DMD: variants seen among roughly 807,000 people sequenced by gnomAD.
The protein encoded by DMD is dystrophin, also known as mutant dystrophin.
Under a neutral mutation model 330.1 loss-of-function variants are expected in DMD, and 63 were observed. The observed-to-expected ratio is 0.19, with a 90% CI of 0.16 to 0.24. DMD has a LOEUF of 0.24. Ranked by LOEUF, DMD falls within the 10% of genes least tolerant of loss-of-function variation. The probability of loss-of-function intolerance (pLI) is 1.00; values close to 1 mark genes in which losing one functional copy is unlikely to be tolerated. For synonymous variants in DMD, 1,223 were observed against 959.8 expected (o/e 1.27, Z -5.07); for missense variants, 3,344 against 2,684.1 (o/e 1.25, Z -5.43).
intron 9 of DMD, among the ~76,000 whole-genome samples, chrX:32,665,338 C>T (rs1196457565): frequency 1.8e-5 from 2 of 110,969 alleles, no homozygotes; most frequent in African/African-American, 6.6e-5. Flanking sequence ...TTAGTGTTCT[C>T]GTCTGAAAAT....
intron 45 of DMD, among the ~76,000 whole-genome samples, chrX:31,964,677 A>G (rs1017778046): frequency 9.1e-6 from 1 of 110,007 alleles, no homozygotes; most frequent in African/African-American, 3.3e-5. Context: ...AGCGAGAGAA[A>G]AAAAGCATAT....
At chrX:33,145,823 G>T (rs893335861) in intron 1 of DMD, among the ~76,000 whole-genome samples, 4 of 110,188 alleles carry the variant, frequency 3.6e-5, no homozygotes, top group Non-Finnish European at 7.6e-5. Flanking sequence ...CTTTTAAAGT[G>T]CACAATTCAG....
chrX:32,699,080 C>G, intron 8 of DMD, 32 bp downstream of exon 8: 1 of 1,174,434 alleles, frequency 8.5e-7, no homozygotes, highest in Non-Finnish European at 1.2e-6. Flanking sequence ...CAGAAAACAT[C>G]TTGAATAGTA....
chrX:32,816,363 G>GT, intron 6 of DMD, 105 bp downstream of exon 6: 1 of 875,544 alleles, frequency 1.1e-6, no homozygotes, highest in Non-Finnish European at 1.7e-6. Context: ...TACATAACAT[G>GT]TTGTAAAGTA....
intron 1 of DMD, among the ~76,000 whole-genome samples, chrX:33,138,112 AAAG>A (rs1472376599): frequency 1.8e-5 from 2 of 111,808 alleles, no homozygotes; most frequent in Non-Finnish European, 3.8e-5. Context: ...AAGTGTATAA[AAAG>A]AGAGTCCTAC....
intron 1 of DMD, among the ~76,000 whole-genome samples, chrX:33,168,051 A>G (rs1419577853): frequency 9.0e-6 from 1 of 110,736 alleles, no homozygotes; most frequent in Non-Finnish European, 1.9e-5. Flanking sequence ...AATCATGGCT[A>G]CACTTGAACT....
intron 33 of DMD, among the ~76,000 whole-genome samples, chrX:32,383,524 T>C (rs1019831703): frequency 9.0e-6 from 1 of 111,339 alleles, no homozygotes; most frequent in Non-Finnish European, 1.9e-5. Context: ...AATATAGGAC[T>C]TACAGCATTT....
intron 20 of DMD, among the ~76,000 whole-genome samples, chrX:32,486,212 G>C (rs2042450840): frequency 9.0e-6 from 1 of 111,104 alleles, no homozygotes; most frequent in Non-Finnish European, 1.9e-5. Flanking sequence ...CCTGAAATGT[G>C]GCTGGTCCAA....
chrX:31,297,818 G>A (rs1031200874), intron 62 of DMD, among the ~76,000 whole-genome samples: 15 of 112,441 alleles, frequency 1.3e-4, no homozygotes, highest in Non-Finnish European at 3.8e-5. Context: ...ATATGCATGT[G>A]TGCATACATA....
At position 31,325,531 on chromosome X, in the gene DMD, T is replaced by G. The variant is rs930320561; in HGVS notation, c.9164-1873A>C. Among the ~76,000 whole-genome samples the G allele has an allele frequency of 1.9e-4, 21 of 108,543 alleles. 1 individual carries two copies. In the Admixed American group the frequency reaches 2.0e-3, roughly 10 times the overall value. 94.3% of individuals were successfully genotyped at this position (108,543 alleles called of 115,157 possible). A position where few individuals can be genotyped will look rare whatever the true frequency, so the allele number is the denominator to read the frequency against. ...CGGGAGACTGAGGCAGGAAAATCAC[T>G]TGAACCCAGGAGGCAAAGGATGCAG... On this transcript the variant is annotated intron_variant, in intron 61 of 78. Coordinates refer to ENST00000357033, the MANE Select transcript of DMD (RefSeq NM_004006.3).
At chrX:31,803,734 T>A (rs2092180759) in intron 50 of DMD, among the ~76,000 whole-genome samples, 1 of 106,877 alleles carries the variant, frequency 9.4e-6, no homozygotes, top group Non-Finnish European at 1.9e-5. Context: ...AGTTTCACTC[T>A]TGTTGCCCAG....
At chrX:31,865,136 C>T (rs1393327601) in intron 48 of DMD, among the ~76,000 whole-genome samples, 1 of 111,830 alleles carries the variant, frequency 8.9e-6, no homozygotes, top group East Asian at 2.8e-4. Context: ...ATTATGGTAC[C>T]CAGTGTTCAT....
chrX:31,381,157 C>G (rs2060158271), intron 60 of DMD, among the ~76,000 whole-genome samples: 1 of 111,464 alleles, frequency 9.0e-6, no homozygotes, highest in African/African-American at 3.3e-5. Context: ...CCCCACTCCT[C>G]TTTCCATTCC....
At chrX:32,243,336 G>T (rs946772542) in intron 43 of DMD, among the ~76,000 whole-genome samples, 1 of 111,424 alleles carries the variant, frequency 9.0e-6, no homozygotes, top group Non-Finnish European at 1.9e-5. Flanking sequence ...ACAGTAAACT[G>T]GTAAAGCAAG....
At position 33,244,094 on chromosome X, in the gene DMD, C is replaced by T. The variant is rs188186406; in HGVS notation, c.7+95165G>A. 1.2e-4 allele frequency among the ~76,000 whole-genome samples: 13 copies of T among 111,729 alleles called. No individual in the cohort carries two copies. The East Asian group carries it at 3.1e-3, about 26-fold the overall frequency. ...AACTTCTTTTTTTCCTATTTGGATG[C>T]CTTTTGTTTATTCTTCTTGCCTAAT... On this transcript the variant is annotated intron_variant, in intron 1 of 17. Coordinates refer to the DMD transcript ENST00000288447.
At chrX:32,721,732 T>C (rs1033596934) in intron 7 of DMD, among the ~76,000 whole-genome samples, 3 of 111,236 alleles carry the variant, frequency 2.7e-5, no homozygotes, top group Non-Finnish European at 5.7e-5. Flanking sequence ...TGCCTGAAAT[T>C]TTGATGTGAT....
chrX:31,684,997 T>TA (rs1218088275), intron 52 of DMD, among the ~76,000 whole-genome samples: 1 of 112,131 alleles, frequency 8.9e-6, no homozygotes, highest in Non-Finnish European at 1.9e-5. Flanking sequence ...TACATGGGAA[T>TA]AGCTTTCAAA....
chrX:32,584,620 A>T (rs180989172), intron 13 of DMD, among the ~76,000 whole-genome samples: 6 of 112,442 alleles, frequency 5.3e-5, no homozygotes, highest in African/African-American at 1.9e-4. Context: ...TATGCAACAT[A>T]GTGAATCTCA....
chrX:32,665,895 A>G (rs1205143279), intron 9 of DMD, among the ~76,000 whole-genome samples: 1 of 111,765 alleles, frequency 8.9e-6, no homozygotes, highest in Non-Finnish European at 1.9e-5. Context: ...ATATTTATGA[A>G]AGATCATTCT....
Sources: allele counts gnomAD v4.1 joint callset (sites outside exome capture counted in the v4.1 genomes callset), GRCh38; gene constraint gnomAD v4.1.1; transcripts MANE v1.5; gene names NCBI Gene and HGNC (gene_info 2026-07-23, HGNC 2026-07-21).